The following TRPC6 variants were observed in gnomAD, a reference collection of about 807,000 sequenced individuals.
TRPC6 encodes transient receptor potential cation channel subfamily C member 6, also known as short transient receptor potential channel 6.
In TRPC6, 55 loss-of-function variants were observed where a neutral mutation model predicts 90.7. The ratio of observed to expected loss-of-function variants is 0.61; its 90% confidence interval spans 0.49 to 0.76. The LOEUF (loss-of-function observed/expected upper bound fraction) is 0.76. Ranked by LOEUF, TRPC6 falls within the 30% of genes least tolerant of loss-of-function variation. TRPC6 has a pLI of 0.00. For synonymous variants in TRPC6, 393 were observed against 393.0 expected (o/e 1.00, Z 0.00); for missense variants, 989 against 1,122.7 (o/e 0.88, Z 1.70).
rs1188176789 is a variant in TRPC6 at position 101,499,697 on chromosome 11, GTA to G, written c.945+4325_945+4326del. Among the ~76,000 whole-genome samples the G allele has an allele frequency of 2.0e-4, 15 of 74,870 alleles. 1 individual carries two copies. The highest frequency in any genetic ancestry group is 5.6e-4 in the East Asian group (2 of 3,570). The allele number at this position is 74,870 out of a possible 152,430, so 49.1% of individuals were successfully genotyped here. A position where few individuals can be genotyped will look rare whatever the true frequency, so the allele number is the denominator to read the frequency against. On this transcript the variant is annotated intron_variant, in intron 2 of 12. Transcript: ENST00000344327. Reference sequence around the variant, plus strand: ...TATATATATACACAATATAAAATGTGTATATATATATACACATTTTATATTGT... The same window carrying G: ...TATATATATACACAATATAAAATGTGTATATATATACACATTTTATATTGT...
intron 1 of TRPC6, among the ~76,000 whole-genome samples, chr11:101,513,949 G>T (rs1245104882): frequency 1.3e-5 from 2 of 152,140 alleles, no homozygotes; most frequent in African/African-American, 2.4e-5. Context: ...CACAATGGGG[G>T]ATAGCTCCAA....
At chr11:101,468,464 AT>A (rs1859204441) in intron 10 of TRPC6, among the ~76,000 whole-genome samples, 1 of 152,302 alleles carries the variant, frequency 6.6e-6, no homozygotes, top group Middle Eastern at 3.4e-3. Flanking sequence ...CCTCCTTGTC[AT>A]TTGTATTCCA....
chr11:101,541,761 A>G (rs1171545747), intron 1 of TRPC6, among the ~76,000 whole-genome samples: 2 of 152,198 alleles, frequency 1.3e-5, no homozygotes, highest in Non-Finnish European at 2.9e-5. Flanking sequence ...CAAAAGAAAA[A>G]AAAGTATTAC....
intron 5 of TRPC6, 124 bp from the exon 6 acceptor site, chr11:101,476,658 C>G (rs1483880520): frequency 1.2e-6 from 1 of 802,190 alleles, no homozygotes; most frequent in Non-Finnish European, 2.1e-6. Context: ...TGGTCCCAAC[C>G]TGCCGTCCCA....
intron 5 of TRPC6, among the ~76,000 whole-genome samples, chr11:101,480,636 G>A (rs1381108137): frequency 6.7e-6 from 1 of 148,706 alleles, no homozygotes; most frequent in Non-Finnish European, 1.5e-5. Flanking sequence ...GTCATGTTTT[G>A]CCTAATAGGA....
intron 1 of TRPC6, among the ~76,000 whole-genome samples, chr11:101,519,436 T>A (rs1258622376): frequency 6.6e-6 from 1 of 152,186 alleles, no homozygotes; most frequent in Non-Finnish European, 1.5e-5. Context: ...CTGTTTTAAC[T>A]AAGTGGAATA....
rs1859738306 is a variant in TRPC6, at chr11:101,488,927, A to G, written c.1293+10T>C. On this transcript the variant is annotated intron_variant, in intron 4 of 12. Transcript: ENST00000344327. ...AGTAGATAATAGAGGTCCAGGCTTC[A>G]CATACATACCTTGCTGCATGGAGCA... 6.2e-7 allele frequency: 1 copy of G among 1,611,092 alleles called. No homozygotes were observed. The highest frequency in any genetic ancestry group is 1.1e-5 in the South Asian group (1 of 91,092).
In TRPC6 at chr11:101,504,846, T is replaced by C. The variant is rs201554224; in HGVS notation, c.171-48A>G. On this transcript the variant is annotated intron_variant, in intron 1 of 12. Coordinates refer to ENST00000344327, the MANE Select transcript of TRPC6 (RefSeq NM_004621.6). Reference sequence around the variant, plus strand: ...TAAACAAATCACATTAAGAGCATTTTAGTGTGCCAAATGACTTGCCATTCA... The same window carrying C: ...TAAACAAATCACATTAAGAGCATTTCAGTGTGCCAAATGACTTGCCATTCA... 2,181 of 1,600,032 alleles carry C rather than the reference T, an allele frequency of 1.4e-3. 20 individuals are homozygous for C. The highest frequency in any genetic ancestry group is 0.012 in the South Asian group (1,054 of 89,260).
chr11:101,481,497 C>T (rs565945978), intron 5 of TRPC6, among the ~76,000 whole-genome samples: 1 of 68,070 alleles, frequency 1.5e-5, no homozygotes, highest in East Asian at 4.3e-3. Flanking sequence ...TCAGTCATAA[C>T]CTAAACTTTA....
At chr11:101,535,574 T>A (rs1015722887) in intron 1 of TRPC6, among the ~76,000 whole-genome samples, 11 of 152,200 alleles carry the variant, frequency 7.2e-5, no homozygotes, top group African/African-American at 2.7e-4. Context: ...CTGGGCTGAC[T>A]AGGATATGAC....
At chr11:101,552,758 T>C (rs1382969502) in intron 1 of TRPC6, among the ~76,000 whole-genome samples, 1 of 152,118 alleles carries the variant, frequency 6.6e-6, no homozygotes, top group African/African-American at 2.4e-5. Flanking sequence ...TATTTTTCAA[T>C]TGGTACTAAA....
At chr11:101,555,247 G>A (rs552929112) in intron 1 of TRPC6, among the ~76,000 whole-genome samples, 3 of 152,266 alleles carry the variant, frequency 2.0e-5, no homozygotes, top group South Asian at 2.1e-4. Context: ...TGGTGTCAAC[G>A]GGTCATGGAA....
intron 1 of TRPC6, among the ~76,000 whole-genome samples, chr11:101,518,866 G>C (rs1860582233): frequency 6.6e-6 from 1 of 152,162 alleles, no homozygotes; most frequent in Non-Finnish European, 1.5e-5. Context: ...CCATAAAAAA[G>C]AATGAGATCC....
At position 101,509,632 on chromosome 11, in the gene TRPC6, T is replaced by C. The variant is rs113363905; in HGVS notation, c.171-4834A>G. 9.2e-3 allele frequency among the ~76,000 whole-genome samples: 1,402 copies of C among 152,252 alleles called. 18 individuals are homozygous for C. Among genetic ancestry groups the C allele is most frequent in the South Asian group, 0.013 (61 of 4,822 alleles). On this transcript the variant is annotated intron_variant, in intron 1 of 12. Coordinates refer to ENST00000344327, the MANE Select transcript of TRPC6 (RefSeq NM_004621.6). ...TTCTATCTTGGCAAGCCACTAATCA[T>C]AATGATGTATCTTATTTCCTTCTAA...
chr11:101,524,002 T>G (rs1258421679), intron 1 of TRPC6, among the ~76,000 whole-genome samples: 2 of 152,212 alleles, frequency 1.3e-5, no homozygotes, highest in African/African-American at 2.4e-5. Flanking sequence ...TAGGAGGCAT[T>G]CCTCTGAGAG....
chr11:101,501,374 T>C (rs1049912301), intron 2 of TRPC6, among the ~76,000 whole-genome samples: 1 of 152,210 alleles, frequency 6.6e-6, no homozygotes, highest in Non-Finnish European at 1.5e-5. Flanking sequence ...TTCATTTTTA[T>C]ATTATTTTTT....
chr11:101,554,408 T>TAAAA (rs34328477), intron 1 of TRPC6, among the ~76,000 whole-genome samples: 6 of 149,436 alleles, frequency 4.0e-5, no homozygotes, highest in South Asian at 2.1e-4. Flanking sequence ...AGAGCAATAG[T>TAAAA]AAAAAAAAAA....
chr11:101,534,172 G>A (rs887669990), intron 1 of TRPC6, among the ~76,000 whole-genome samples: 1 of 151,880 alleles, frequency 6.6e-6, no homozygotes, highest in Non-Finnish European at 1.5e-5. Flanking sequence ...GTCTTGCTCT[G>A]TTGCCCAGGC....
chr11:101,457,035 C>T (rs1858899556), intron 10 of TRPC6, among the ~76,000 whole-genome samples: 1 of 151,960 alleles, frequency 6.6e-6, no homozygotes, highest in Admixed American at 6.6e-5. Context: ...TTTCCATGTA[C>T]AATTATTTAA....
Sources: allele counts gnomAD v4.1 joint callset (sites outside exome capture counted in the v4.1 genomes callset), GRCh38; gene constraint gnomAD v4.1.1; transcripts MANE v1.5; gene names NCBI Gene and HGNC (gene_info 2026-07-23, HGNC 2026-07-21).